PCDHGA4: variants seen among roughly 807,000 people sequenced by gnomAD.
PCDHGA4 encodes the protein protocadherin gamma subfamily A, 4, also known as protocadherin gamma-A4.
Under a neutral mutation model 54.6 loss-of-function variants are expected in PCDHGA4, and 38 were observed. That is an observed-to-expected ratio of 0.70 (90% CI 0.54 to 0.91). The LOEUF (loss-of-function observed/expected upper bound fraction) is 0.91. PCDHGA4 is among the 40% of genes least tolerant of loss of function. The pLI, the probability that PCDHGA4 is intolerant of heterozygous loss-of-function variation, is 0.00. For synonymous variants in PCDHGA4, 511 were observed against 512.9 expected (o/e 1.00, Z 0.05); for missense variants, 1,298 against 1,220.9 (o/e 1.06, Z -0.94).
rs774673151 is a variant in PCDHGA4 at position 141,357,340 on chromosome 5, C to T, written c.2233C>T (p.Leu745Phe). ...GGCTTTTGTCACGGTGCTGCTAGCACTCAAGCTGAGACGCTGGCACAAGTC... is the reference window on the plus strand; with the variant it reads ...GGCTTTTGTCACGGTGCTGCTAGCATTCAAGCTGAGACGCTGGCACAAGTC... ...FLAFVTVLLA[L>F]KLRRWHKSRL... Residue 745 changes from leucine to phenylalanine, a missense_variant, in exon 1 of 4, where the codon CTC (leucine) becomes TTC (phenylalanine). Leu to Phe is a conservative substitution (Grantham distance 22). Coordinates refer to ENST00000571252, the MANE Select transcript of PCDHGA4 (RefSeq NM_018917.4). The T allele has an allele frequency of 6.2e-7, 1 of 1,614,134 alleles. No individual in the cohort carries two copies. The highest frequency in any genetic ancestry group is 1.7e-5 in the Admixed American group (1 of 60,030).
chr5:141,362,791 C>A (rs1561527950), intron 1 of PCDHGA4, among the ~76,000 whole-genome samples: 2 of 152,318 alleles, frequency 1.3e-5, no homozygotes, highest in East Asian at 3.9e-4. Flanking sequence ...TCTTTTTCTT[C>A]CTCATCTTTA....
chr5:141,451,112 G>A (rs776356458), intron 1 of PCDHGA4, among the ~76,000 whole-genome samples: 9 of 152,236 alleles, frequency 5.9e-5, no homozygotes, highest in Admixed American at 1.3e-4. Flanking sequence ...ACAGGCGTGA[G>A]CCACCACACC....
In PCDHGA4 at chr5:141,357,246, A is replaced by G; in HGVS notation, c.2139A>G (p.Ala713=). Residue 713 remains alanine, a synonymous_variant, in exon 1 of 4, where the codon GCA becomes GCG. Transcript: ENST00000571252. ...LADLGSLKPS[A]DPDDSGLTLY... ...ACTTGGGCAGCCTCAAGCCTTCAGC[A>G]GACCCAGACGACTCGGGCCTCACAC... 1 of 1,613,736 alleles carries G rather than the reference A, an allele frequency of 6.2e-7. No individual in the cohort carries two copies. Among genetic ancestry groups the G allele is most frequent in the Non-Finnish European group, 8.5e-7 (1 of 1,179,716 alleles).
intron 1 of PCDHGA4, among the ~76,000 whole-genome samples, chr5:141,474,187 T>A (rs2099345004): frequency 6.6e-6 from 1 of 152,210 alleles, no homozygotes; most frequent in South Asian, 2.1e-4. Context: ...ACTACTTACA[T>A]TTTTAAAAGC....
chr5:141,414,473 G>C lies in PCDHGA4; in HGVS notation c.2514+56852G>C, dbSNP rs371832510. 50 of 1,613,790 alleles carry C rather than the reference G, an allele frequency of 3.1e-5. No individual in the cohort carries two copies. The highest frequency in any genetic ancestry group is 4.1e-5 in the Non-Finnish European group (48 of 1,179,892). Reference sequence around the variant, plus strand: ...ACAGTGACAGCCACAGATGGGGGAAGTCCTCCTCTATCAACGGAAGCTCAC... The same window carrying C: ...ACAGTGACAGCCACAGATGGGGGAACTCCTCCTCTATCAACGGAAGCTCAC... On this transcript the variant is annotated intron_variant, in intron 1 of 3. Transcript: ENST00000571252.
intron 3 of PCDHGA4, among the ~76,000 whole-genome samples, chr5:141,509,045 GC>G (rs1165443091): frequency 6.6e-6 from 1 of 152,060 alleles, no homozygotes; most frequent in Non-Finnish European, 1.5e-5. Context: ...CCTCTCCCCC[GC>G]CCCCAGAAAG....
At chr5:141,362,691 T>C (rs1762634639) in intron 1 of PCDHGA4, 2 of 1,109,006 alleles carry the variant, frequency 1.8e-6, no homozygotes, top group South Asian at 1.7e-5. Context: ...TAATCTTATC[T>C]AACTGAATTT....
chr5:141,475,955 C>A, intron 1 of PCDHGA4: 1 of 800,218 alleles, frequency 1.2e-6, no homozygotes, highest in Non-Finnish European at 1.9e-6. Flanking sequence ...TTCTGCGCCC[C>A]GGGATGAGGC....
chr5:141,383,023 G>A (rs1778720923), intron 1 of PCDHGA4: 2 of 1,613,826 alleles, frequency 1.2e-6, no homozygotes, highest in South Asian at 1.1e-5. Context: ...GACGGACAAA[G>A]GGTCCTTTGT....
intron 2 of PCDHGA4, among the ~76,000 whole-genome samples, chr5:141,505,180 A>G (rs1435197883): frequency 6.6e-6 from 1 of 152,200 alleles, no homozygotes; most frequent in Non-Finnish European, 1.5e-5. Context: ...AGAAAAAAGC[A>G]TCGGAGGCAG....
chr5:141,362,304 T>C, intron 1 of PCDHGA4: 1 of 1,614,082 alleles, frequency 6.2e-7, no homozygotes, highest in Non-Finnish European at 8.5e-7. Flanking sequence ...GGTCAGATGC[T>C]TGGGACTGTT....
At chr5:141,453,377 T>TC (rs1242854086) in intron 1 of PCDHGA4, among the ~76,000 whole-genome samples, 3 of 152,072 alleles carry the variant, frequency 2.0e-5, no homozygotes, top group Admixed American at 2.0e-4. Context: ...CAAGTGATCC[T>TC]CCTGCCTTAG....
At chr5:141,494,780 G>A (rs1314622459) in intron 1 of PCDHGA4, 27 bp from the exon 2 acceptor site, 13 of 1,613,898 alleles carry the variant, frequency 8.1e-6, no homozygotes, top group African/African-American at 1.3e-5. Context: ...CGGGTACTCA[G>A]CCCCTTTCCC....
At chr5:141,374,864 G>A (rs1342499165) in intron 1 of PCDHGA4, 4 of 1,613,748 alleles carry the variant, frequency 2.5e-6, no homozygotes, top group Non-Finnish European at 3.4e-6. Flanking sequence ...AGGCACACCA[G>A]TGTTGGCAGT....
At chr5:141,438,018 G>A (rs959672278) in intron 1 of PCDHGA4, among the ~76,000 whole-genome samples, 1 of 152,082 alleles carries the variant, frequency 6.6e-6, no homozygotes, top group African/African-American at 2.4e-5. Context: ...TGAGATTACA[G>A]GTGTGAGCCA....
Position 141,357,460 on chromosome 5 carries a change from T to G in PCDHGA4, c.2353T>G (p.Ser785Ala). 1 of 1,614,166 alleles carries G rather than the reference T, an allele frequency of 6.2e-7. No homozygotes were observed. Among genetic ancestry groups the G allele is most frequent in the Non-Finnish European group, 8.5e-7 (1 of 1,180,040 alleles). The change falls in exon 1 of 4, where the codon TCC becomes GCC. Residue 785 changes from serine to alanine, a missense_variant. Coordinates refer to ENST00000571252, the MANE Select transcript of PCDHGA4 (RefSeq NM_018917.4). ...GGTTCGGGCTTTCCTGCAGACCTAT[T>G]CCCACGAGGTCTCCCTCACCGCGGA... ...DGVRAFLQTY[S>A]HEVSLTADSR...
chr5:141,373,481 C>T (rs570555683), intron 1 of PCDHGA4, among the ~76,000 whole-genome samples: 13 of 152,328 alleles, frequency 8.5e-5, no homozygotes, highest in Non-Finnish European at 1.8e-4. Context: ...TATAATTGTG[C>T]CCCTGCACTC....
In PCDHGA4 at chr5:141,355,590, AC is replaced by A. The variant is rs1262542114; in HGVS notation, c.486del (p.Ser163ValfsTer9). On this transcript the variant is annotated frameshift_variant, in exon 1 of 4. Coordinates refer to ENST00000571252, the MANE Select transcript of PCDHGA4 (RefSeq NM_018917.4). LOFTEE classifies it high-confidence loss of function. ...VEIIDVNDNP[P>X]SFGTEQREIK... ...AAATAATCGATGTTAATGATAACCC[AC>A]CCAGTTTTGGGACAGAACAGAGGGA... 3 of 1,613,952 alleles carry A rather than the reference AC, an allele frequency of 1.9e-6. No homozygotes were observed. In the South Asian group the frequency reaches 3.3e-5, roughly 18 times the overall value.
Position 141,490,850 on chromosome 5 carries a change from G to A in PCDHGA4, c.2515-3957G>A, listed in dbSNP as rs374508743. The A allele has an allele frequency of 7.2e-5, 116 of 1,613,706 alleles. No homozygotes were observed. The highest frequency in any genetic ancestry group is 9.5e-5 in the Non-Finnish European group (112 of 1,179,902). ...ATGCTGCAGATTGTGGTGGGGGTTC[G>A]AGACTCCGGCTCTCCCCCATTGCAT... On this transcript the variant is annotated intron_variant, in intron 1 of 3. Transcript: ENST00000571252. This position sits in a 1 kb window ranked among gnomAD's most constrained non-coding sequence, Gnocchi z 5.4.
Sources: allele counts gnomAD v4.1 joint callset (sites outside exome capture counted in the v4.1 genomes callset), GRCh38; gene constraint gnomAD v4.1.1; non-coding constraint Gnocchi (gnomAD v3.1); transcripts MANE v1.5; gene names NCBI Gene and HGNC (gene_info 2026-07-23, HGNC 2026-07-21).